LINGO2: variants seen among roughly 807,000 people sequenced by gnomAD.
The protein encoded by LINGO2 is leucine-rich repeat and immunoglobulin-like domain-containing nogo receptor-interacting protein 2.
Under a neutral mutation model 30.6 loss-of-function variants are expected in LINGO2, and 14 were observed. That is an observed-to-expected ratio of 0.46 (90% confidence interval 0.30 to 0.72). LINGO2 has a LOEUF of 0.72. Ranked by LOEUF, LINGO2 falls within the 30% of genes least tolerant of loss-of-function variation. The pLI is 0.07. For synonymous variants in LINGO2, 317 were observed against 288.5 expected (o/e 1.10, Z -1.00); for missense variants, 729 against 751.7 (o/e 0.97, Z 0.35).
At chr9:28,429,780 G>A (rs1823571740) in intron 2 of LINGO2, among the ~76,000 whole-genome samples, 1 of 152,094 alleles carries the variant, frequency 6.6e-6, no homozygotes, top group Non-Finnish European at 1.5e-5. Context: ...CACTAAAGAT[G>A]TAGCCCCTGG....
At chr9:28,286,035 T>C (rs942363707) in intron 4 of LINGO2, among the ~76,000 whole-genome samples, 2 of 152,216 alleles carry the variant, frequency 1.3e-5, no homozygotes, top group African/African-American at 4.8e-5. Flanking sequence ...ACCTAATAAA[T>C]GCTTTTTCTT....
At chr9:28,802,735 C>T in the LINGO2 span, among the ~76,000 whole-genome samples, 1 of 152,014 alleles carries the variant, frequency 6.6e-6, no homozygotes. Flanking sequence ...TCATAGAGTT[C>T]CAGTGTCCAA....
chr9:28,397,064 T>C (rs1360727054), intron 2 of LINGO2, among the ~76,000 whole-genome samples: 2 of 152,092 alleles, frequency 1.3e-5, no homozygotes, highest in Non-Finnish European at 2.9e-5. Context: ...TCTTTGCCTA[T>C]CCATTCTTCT....
chr9:28,696,412 G>A, the LINGO2 span, among the ~76,000 whole-genome samples: 5 of 151,952 alleles, frequency 3.3e-5, no homozygotes, highest in East Asian at 9.7e-4. Context: ...ATTTACTAAT[G>A]TGGAAGGGCC....
At chr9:29,096,139 A>G in the LINGO2 span, among the ~76,000 whole-genome samples, 1 of 138,864 alleles carries the variant, frequency 7.2e-6, no homozygotes, top group Non-Finnish European at 1.6e-5. Context: ...CATGGAAGAC[A>G]GCATTTAAAA....
At chr9:28,878,308 T>G in the LINGO2 span, among the ~76,000 whole-genome samples, 1 of 152,100 alleles carries the variant, frequency 6.6e-6, no homozygotes, top group Non-Finnish European at 1.5e-5. Flanking sequence ...AATCTCCGAA[T>G]AGACCAATAA....
chr9:28,048,327 A>C (rs111717803), intron 4 of LINGO2, among the ~76,000 whole-genome samples: 1 of 150,996 alleles, frequency 6.6e-6, no homozygotes, highest in Admixed American at 6.6e-5. Flanking sequence ...AATTTTTTGT[A>C]TAACAATAAC....
the LINGO2 span, among the ~76,000 whole-genome samples, chr9:28,723,673 G>C: frequency 2.0e-5 from 3 of 152,054 alleles, no homozygotes; most frequent in Admixed American, 1.3e-4. Context: ...TGGTTCAGTG[G>C]ATTAGATAGA....
chr9:28,848,949 T>C, the LINGO2 span, among the ~76,000 whole-genome samples: 64 of 152,102 alleles, frequency 4.2e-4, no homozygotes, highest in Non-Finnish European at 7.4e-4. Context: ...TGAGAAGTGA[T>C]CTAGTCATCC....
intron 2 of LINGO2, among the ~76,000 whole-genome samples, chr9:28,380,553 G>C (rs1587578835): frequency 6.6e-6 from 1 of 152,008 alleles, no homozygotes; most frequent in East Asian, 1.9e-4. Context: ...AACCAGACAA[G>C]TTGAATAAAC....
chr9:28,753,493 G>A, the LINGO2 span, among the ~76,000 whole-genome samples: 3 of 152,012 alleles, frequency 2.0e-5, no homozygotes, highest in Admixed American at 1.3e-4. Flanking sequence ...AATCAGAGCA[G>A]TTAATACCTT....
intron 1 of LINGO2, among the ~76,000 whole-genome samples, chr9:28,516,681 C>G (rs1820631502): frequency 6.6e-6 from 1 of 152,206 alleles, no homozygotes; most frequent in Admixed American, 6.5e-5. Context: ...TTGATATTCT[C>G]ATCAACATCG....
chr9:28,853,165 C>T, the LINGO2 span, among the ~76,000 whole-genome samples: 5 of 152,050 alleles, frequency 3.3e-5, no homozygotes, highest in Admixed American at 1.3e-4. Flanking sequence ...ATTATTGTGG[C>T]TTCCATTTCT....
chr9:28,568,167 T>G (rs1378454248), intron 1 of LINGO2, among the ~76,000 whole-genome samples: 1 of 151,742 alleles, frequency 6.6e-6, no homozygotes, highest in Non-Finnish European at 1.5e-5. Flanking sequence ...AGTGTGGGAG[T>G]CAGGTGGAGA....
chr9:27,977,156 C>T (rs1006588457), intron 5 of LINGO2, among the ~76,000 whole-genome samples: 2 of 150,858 alleles, frequency 1.3e-5, no homozygotes, highest in East Asian at 2.0e-4. Context: ...TTGGGCTTTA[C>T]CTACTTTTTT....
At chr9:29,195,152 T>C in the LINGO2 span, among the ~76,000 whole-genome samples, 37 of 152,288 alleles carry the variant, frequency 2.4e-4, no homozygotes, top group African/African-American at 8.4e-4. Context: ...TTGGCTGTTT[T>C]ATTCAGCATA....
At chr9:28,515,436 G>A (rs1251765614) in intron 1 of LINGO2, among the ~76,000 whole-genome samples, 1 of 152,100 alleles carries the variant, frequency 6.6e-6, no homozygotes, top group Non-Finnish European at 1.5e-5. Context: ...TCTATCTCCT[G>A]ACGTCGTGAT....
the LINGO2 span, among the ~76,000 whole-genome samples, chr9:28,970,506 C>G: frequency 6.6e-6 from 1 of 152,062 alleles, no homozygotes; most frequent in African/African-American, 2.4e-5. Flanking sequence ...AATCTCGAAT[C>G]GCTAATGCAA....
At chr9:28,060,603 T>C (rs1375822509) in intron 4 of LINGO2, among the ~76,000 whole-genome samples, 2 of 152,156 alleles carry the variant, frequency 1.3e-5, no homozygotes, top group Non-Finnish European at 2.9e-5. Context: ...TAATTATTAT[T>C]ATACAACCCT....
Sources: allele counts gnomAD v4.1 joint callset (sites outside exome capture counted in the v4.1 genomes callset), GRCh38; gene constraint gnomAD v4.1.1; transcripts MANE v1.5; gene names NCBI Gene and HGNC (gene_info 2026-07-23, HGNC 2026-07-21).